NAALADL2: variants seen among roughly 807,000 people sequenced by gnomAD.
NAALADL2 encodes the protein N-acetylated alpha-linked acidic dipeptidase like 2.
Under a neutral mutation model 87.2 loss-of-function variants are expected in NAALADL2, and 76 were observed. That is an observed-to-expected ratio of 0.87 (90% CI 0.72 to 1.05). NAALADL2 has a LOEUF of 1.05. NAALADL2 is among the 50% of genes least tolerant of loss of function. The probability of loss-of-function intolerance (pLI) is 0.00; values close to 1 mark genes in which losing one functional copy is unlikely to be tolerated. For synonymous variants in NAALADL2, 354 were observed against 331.0 expected (o/e 1.07, Z -0.75); for missense variants, 1,089 against 945.8 (o/e 1.15, Z -1.99).
chr3:174,830,879 G>T (rs1722598232), intron 3 of NAALADL2, among the ~76,000 whole-genome samples: 1 of 151,608 alleles, frequency 6.6e-6, no homozygotes, highest in Non-Finnish European at 1.5e-5. Flanking sequence ...ATTGTGAATG[G>T]GAGTTCACTC....
In NAALADL2 at chr3:174,896,541, T is replaced by G. The variant is rs554222738; in HGVS notation, c.43+37091T>G. 6.6e-5 allele frequency among the ~76,000 whole-genome samples: 10 copies of G among 152,262 alleles called. 1 individual carries two copies. The South Asian group carries it at 2.1e-3, about 32-fold the overall frequency. ...GAGGACACCACAAAATGGAAAAGTA[T>G]TCCTTATCCATGGATTAGAAGAATC... On this transcript the variant is annotated intron_variant, in intron 1 of 13. Coordinates refer to ENST00000454872, the MANE Select transcript of NAALADL2 (RefSeq NM_207015.3).
At chr3:174,607,749 CA>C (rs1212916105) in intron 2 of NAALADL2, among the ~76,000 whole-genome samples, 3 of 152,090 alleles carry the variant, frequency 2.0e-5, no homozygotes, top group Admixed American at 2.0e-4. Flanking sequence ...CAACATTAGA[CA>C]GATCAACGAG....
chr3:175,199,364 C>T (rs1388930204), intron 2 of NAALADL2, among the ~76,000 whole-genome samples: 1 of 152,076 alleles, frequency 6.6e-6, no homozygotes, highest in Admixed American at 6.6e-5. Context: ...TCACATATAA[C>T]TCTTGGGAGA....
In NAALADL2 at chr3:175,768,851, C is replaced by CAAAA. The variant is rs35173343; in HGVS notation, c.2189+13447_2189+13450dup. On this transcript the variant is annotated intron_variant, in intron 13 of 13. Transcript: ENST00000454872. ...TGGGTGATAGAATGAGACTTTGTCT[C>CAAAA]AAAAAAAAAAAAAAAAATTGTAGTA... Among the ~76,000 whole-genome samples, 372 of 100,736 alleles carry CAAAA rather than the reference C, an allele frequency of 3.7e-3. 4 individuals carry two copies. Among genetic ancestry groups the CAAAA allele is most frequent in the African/African-American group, 0.011 (343 of 32,060 alleles). The allele number at this position is 100,736 out of a possible 152,430, so 66.1% of individuals were successfully genotyped here.
intron 2 of NAALADL2, among the ~76,000 whole-genome samples, chr3:174,654,072 G>C (rs1379373819): frequency 2.0e-5 from 3 of 149,362 alleles, no homozygotes; most frequent in Non-Finnish European, 4.5e-5. Flanking sequence ...GTGTGTGTGT[G>C]TGTGTGTGTG....
rs1754843521 is a variant in NAALADL2, at chr3:175,807,858, T to TA, written c.*4655_*4656insA. 6.6e-6 allele frequency: 1 copy of TA among 152,056 alleles called. No homozygotes were observed. The highest frequency in any genetic ancestry group is 6.6e-5 in the Admixed American group (1 of 15,210). The allele number at this position is 152,056 out of a possible 1,614,324, so 9.4% of individuals were successfully genotyped here. A position where few individuals can be genotyped will look rare whatever the true frequency, so the allele number is the denominator to read the frequency against. Reference sequence around the variant, plus strand: ...CCCTCACAGAGTTCTAAACATCCCATTCATTGAAAATAATTTTCAGTTAAG... The same window carrying TA: ...CCCTCACAGAGTTCTAAACATCCCATATCATTGAAAATAATTTTCAGTTAAG... On this transcript the variant is annotated 3_prime_UTR_variant, in exon 14 of 14. Coordinates refer to ENST00000454872, the MANE Select transcript of NAALADL2 (RefSeq NM_207015.3).
rs74932123 is a variant in NAALADL2 at position 174,861,496 on chromosome 3, G to A, written c.43+2046G>A. On this transcript the variant is annotated intron_variant, in intron 1 of 13. Coordinates refer to ENST00000454872, the MANE Select transcript of NAALADL2 (RefSeq NM_207015.3). ...TAATGACATTTATAAAAAATTCTGA[G>A]GTTCTTTCAAATAATACTCATTGTC... Among the ~76,000 whole-genome samples, 629 of 152,112 alleles carry A rather than the reference G, an allele frequency of 4.1e-3. 7 individuals carry two copies. Among genetic ancestry groups the A allele is most frequent in the African/African-American group, 0.014 (580 of 41,518 alleles).
intron 9 of NAALADL2, among the ~76,000 whole-genome samples, chr3:175,472,910 G>A (rs999666456): frequency 4.6e-5 from 7 of 152,052 alleles, no homozygotes; most frequent in African/African-American, 1.7e-4. Flanking sequence ...AGCCTCGGAT[G>A]TCTCCCTTGG....
intron 5 of NAALADL2, among the ~76,000 whole-genome samples, chr3:175,426,875 G>A (rs1385565937): frequency 6.6e-6 from 1 of 152,156 alleles, no homozygotes; most frequent in Non-Finnish European, 1.5e-5. Context: ...GTCAGAGAGA[G>A]TGCTGTATTT....
chr3:175,314,995 T>C (rs374683353), intron 4 of NAALADL2, among the ~76,000 whole-genome samples: 7 of 152,126 alleles, frequency 4.6e-5, no homozygotes, highest in African/African-American at 1.4e-4. Flanking sequence ...CCACTGCAGT[T>C]ACCTACCAAG....
intron 2 of NAALADL2, among the ~76,000 whole-genome samples, chr3:175,139,030 A>C (rs1729594800): frequency 6.6e-6 from 1 of 150,880 alleles, no homozygotes; most frequent in South Asian, 2.1e-4. Context: ...AAAGAAGTGA[A>C]ATATTTTTCT....
rs958699659 is a variant in NAALADL2 at position 174,698,788 on chromosome 3, C to T, written c.-114-38853C>T. 3.4e-5 allele frequency among the ~76,000 whole-genome samples: 4 copies of T among 118,272 alleles called. 2 individuals are homozygous for T. The highest frequency in any genetic ancestry group is 6.1e-4 in the South Asian group (2 of 3,296). The allele number at this position is 118,272 out of a possible 152,430, so 77.6% of individuals were successfully genotyped here. ...CTGAGGCAGGAGAATGGCGTGAACC[C>T]GGGAGGCGGAGCTTGCAGTGAGCCG... On this transcript the variant is annotated intron_variant, in intron 2 of 3. Transcript: ENST00000434257.
intron 2 of NAALADL2, among the ~76,000 whole-genome samples, chr3:174,553,704 A>G (rs1712423106): frequency 6.6e-6 from 1 of 152,174 alleles, no homozygotes; most frequent in African/African-American, 2.4e-5. Context: ...TAGCACATTA[A>G]GAAGAAAAAT....
chr3:174,482,096 G>A (rs1717590299), intron 1 of NAALADL2, among the ~76,000 whole-genome samples: 1 of 152,042 alleles, frequency 6.6e-6, no homozygotes, highest in South Asian at 2.1e-4. Context: ...TCTCATACCT[G>A]CTATATTAAC....
At chr3:175,133,740 A>G (rs1464902913) in intron 2 of NAALADL2, among the ~76,000 whole-genome samples, 1 of 152,058 alleles carries the variant, frequency 6.6e-6, no homozygotes, top group Non-Finnish European at 1.5e-5. Context: ...GACCGTGGGG[A>G]GAGGGAGAGG....
intron 3 of NAALADL2, among the ~76,000 whole-genome samples, chr3:174,853,689 A>T (rs904795447): frequency 2.0e-5 from 3 of 150,914 alleles, no homozygotes; most frequent in Admixed American, 6.6e-5. Context: ...AATAGCAATA[A>T]AAAAAAATCT....
At chr3:174,555,016 C>A (rs1009507728) in intron 2 of NAALADL2, among the ~76,000 whole-genome samples, 1 of 152,140 alleles carries the variant, frequency 6.6e-6, no homozygotes, top group South Asian at 2.1e-4. Context: ...AGGGTATAAT[C>A]CCATTCATTA....
intron 10 of NAALADL2, among the ~76,000 whole-genome samples, chr3:175,596,103 G>A (rs574855404): frequency 1.5e-4 from 23 of 152,022 alleles, no homozygotes; most frequent in African/African-American, 5.3e-4. Context: ...AACTTCAGCA[G>A]TTTGGGTTAG....
Position 174,602,815 on chromosome 3 carries a change from A to G in NAALADL2, c.-115+52178A>G, listed in dbSNP as rs572412837. Among the ~76,000 whole-genome samples, 3 of 152,102 alleles carry G rather than the reference A, an allele frequency of 2.0e-5. No individual in the cohort carries two copies. In the South Asian group the frequency reaches 6.2e-4, roughly 32 times the overall value. ...AGTGTGTTCCTTCTATACCCAATTC[A>G]TTAAGGATTTTTATTATGAAGTGAT... On this transcript the variant is annotated intron_variant, in intron 2 of 3. Transcript: ENST00000434257.
Sources: gnomAD v4.1 joint callset for allele counts (sites outside exome capture counted in the v4.1 genomes callset) on GRCh38, gnomAD v4.1.1 for gene constraint, MANE v1.5 for transcripts, NCBI Gene and HGNC (gene_info 2026-07-23, HGNC 2026-07-21) for gene names.